KIAA2012: variants seen among roughly 807,000 people sequenced by gnomAD.
The protein encoded by KIAA2012 is KIAA2012.
Under a neutral mutation model 150.6 loss-of-function variants are expected in KIAA2012, and 125 were observed. The ratio of observed to expected loss-of-function variants is 0.83; its 90% CI spans 0.72 to 0.96. KIAA2012 has a LOEUF of 0.96. KIAA2012 is among the 40% of genes least tolerant of loss of function. The pLI, the probability that KIAA2012 is intolerant of heterozygous loss-of-function variation, is 0.00. For synonymous variants in KIAA2012, 462 were observed against 504.7 expected, an observed-to-expected ratio of 0.92 and a Z score of 1.13; for missense variants, 1,219 against 1,354.9, an observed-to-expected ratio of 0.90 and a Z score of 1.57.
At chr2:202,091,278 CCA>C (rs1689712933) in intron 3 of KIAA2012, among the ~76,000 whole-genome samples, 1 of 152,160 alleles carries the variant, frequency 6.6e-6, no homozygotes, top group Admixed American at 6.5e-5. Context: ...AAGAAGAAGC[CCA>C]GAGAGGCAAA....
chr2:202,123,206 C>T (rs762143140), intron 11 of KIAA2012, among the ~76,000 whole-genome samples: 11 of 152,168 alleles, frequency 7.2e-5, no homozygotes, highest in Non-Finnish European at 1.5e-4. Flanking sequence ...AGACGGTGTT[C>T]GTGTAGCCCT....
At chr2:202,154,171 T>C (rs1691479687) in intron 13 of KIAA2012, among the ~76,000 whole-genome samples, 1 of 152,258 alleles carries the variant, frequency 6.6e-6, no homozygotes, top group Admixed American at 6.5e-5. Context: ...AATTCATTTT[T>C]GTCATCTTGG....
intron 4 of KIAA2012, among the ~76,000 whole-genome samples, chr2:202,093,941 CT>C (rs1039538798): frequency 1.3e-5 from 2 of 152,286 alleles, no homozygotes; most frequent in Non-Finnish European, 2.9e-5. Flanking sequence ...AGACGAGAGC[CT>C]TGGCTGGTAG....
chr2:202,196,186 CTTTTTTTTT>C (rs869092899), intron 21 of KIAA2012, among the ~76,000 whole-genome samples: 2 of 79,702 alleles, frequency 2.5e-5, no homozygotes, highest in African/African-American at 1.2e-4. Flanking sequence ...CTTTTCTTTT[CTTTTTTTTT>C]TTTTTTTTTT....
rs1286102503 is a variant in KIAA2012 at position 202,179,776 on chromosome 2, G to A, written c.2120-4977G>A. 5.4e-5 allele frequency: 34 copies of A among 630,962 alleles called. No individual in the cohort carries two copies. The East Asian group carries it at 1.3e-3, about 25-fold the overall frequency. The allele number at this position is 630,962 out of a possible 1,614,324, so 39.1% of individuals were successfully genotyped here. A position where few individuals can be genotyped will look rare whatever the true frequency, so the allele number is the denominator to read the frequency against. The stretch of plus-strand genomic sequence containing the variant: ...AGCTTACTTGGCCTGGAAAGCCACA[G>A]CAGTGGGAAAGAACTATGTGAATGG... On this transcript the variant is annotated intron_variant, in intron 15 of 23. Transcript: ENST00000498697.
At chr2:202,074,255 T>C (rs963029542) in intron 1 of KIAA2012, among the ~76,000 whole-genome samples, 8 of 152,110 alleles carry the variant, frequency 5.3e-5, no homozygotes, top group East Asian at 1.9e-4. Flanking sequence ...AAGAAACCTA[T>C]TGGGGATACT....
At chr2:202,162,601 T>C (rs1366274846) in intron 14 of KIAA2012, among the ~76,000 whole-genome samples, 1 of 149,904 alleles carries the variant, frequency 6.7e-6, no homozygotes, top group African/African-American at 2.4e-5. Flanking sequence ...TTTTTTTTTT[T>C]ACTTACTACA....
At chr2:202,083,825 C>T (rs1446379496) in intron 2 of KIAA2012, among the ~76,000 whole-genome samples, 2 of 152,098 alleles carry the variant, frequency 1.3e-5, no homozygotes, top group Non-Finnish European at 2.9e-5. Flanking sequence ...CGGATTTGTG[C>T]CCCAGTGACA....
At chr2:202,143,244 C>T (rs1367855880) in intron 13 of KIAA2012, among the ~76,000 whole-genome samples, 4 of 151,836 alleles carry the variant, frequency 2.6e-5, no homozygotes, top group South Asian at 2.1e-4. Context: ...GCCACCACTC[C>T]CAGCTAATTT....
chr2:202,129,979 A>G (rs1478897654), intron 12 of KIAA2012, among the ~76,000 whole-genome samples: 2 of 152,184 alleles, frequency 1.3e-5, no homozygotes, highest in African/African-American at 2.4e-5. Flanking sequence ...ATTGTGGTCT[A>G]TAATTCATTA....
At position 202,190,549 on chromosome 2, in the gene KIAA2012, C is replaced by T; in HGVS notation, c.2811+56C>T. 3 of 1,333,482 alleles carry T rather than the reference C, an allele frequency of 2.2e-6. No individual in the cohort carries two copies. In the East Asian group the frequency reaches 7.6e-5, roughly 34 times the overall value. 82.6% of individuals were successfully genotyped at this position (1,333,482 alleles called of 1,614,324 possible). A position where few individuals can be genotyped will look rare whatever the true frequency, so the allele number is the denominator to read the frequency against. On this transcript the variant is annotated intron_variant, in intron 19 of 23. Transcript: ENST00000498697. The stretch of plus-strand genomic sequence containing the variant: ...GAAGTTCTGTTCTCACTTGGCGCGA[C>T]TGCAAAGATGGGAAAGCTGCCCCTA...
chr2:202,079,589 C>T lies in KIAA2012; in HGVS notation c.369+4414C>T, dbSNP rs73989724. ...CGTCTGGAGTTTATAGCTCAGCATACATCCACCCTTGAACTTTCTTGATGG... is the reference window on the plus strand; with the variant it reads ...CGTCTGGAGTTTATAGCTCAGCATATATCCACCCTTGAACTTTCTTGATGG... On this transcript the variant is annotated intron_variant, in intron 2 of 23. Transcript: ENST00000498697. Among the ~76,000 whole-genome samples the T allele has an allele frequency of 3.9e-3, 598 of 152,352 alleles. 2 individuals are homozygous for T. The highest frequency in any genetic ancestry group is 0.014 in the African/African-American group (578 of 41,580).
chr2:202,129,549 T>C (rs904668415), intron 12 of KIAA2012, among the ~76,000 whole-genome samples: 5 of 152,166 alleles, frequency 3.3e-5, no homozygotes, highest in African/African-American at 1.2e-4. Context: ...TGTGTTCTTT[T>C]TGGTCATTTG....
intron 18 of KIAA2012, 44 bp downstream of exon 18, chr2:202,188,310 G>C: frequency 6.8e-7 from 1 of 1,480,246 alleles, no homozygotes. Context: ...GAAGACTTCT[G>C]TTAGGGGTCG....
At chr2:202,171,333 A>C (rs555523449) in intron 15 of KIAA2012, among the ~76,000 whole-genome samples, 1 of 152,350 alleles carries the variant, frequency 6.6e-6, no homozygotes, top group African/African-American at 2.4e-5. Context: ...GCAGTGCGGC[A>C]TCTGCGCCTC....
At chr2:202,138,368 TAA>T (rs1491245769) in intron 12 of KIAA2012, 62 bp from the exon 13 acceptor site, 1 of 1,189,910 alleles carries the variant, frequency 8.4e-7, no homozygotes, top group Non-Finnish European at 1.2e-6. Context: ...ATGGTATATA[TAA>T]AAAGTCATGA....
intron 2 of KIAA2012, among the ~76,000 whole-genome samples, chr2:202,086,649 G>C (rs1033186550): frequency 3.3e-5 from 5 of 152,222 alleles, no homozygotes; most frequent in African/African-American, 1.2e-4. Context: ...AGGTGATGCT[G>C]TATGTTTGAA....
At chr2:202,179,527 C>T (rs1446029037) in intron 15 of KIAA2012, 2 of 696,236 alleles carry the variant, frequency 2.9e-6, no homozygotes. Context: ...TGTACAGTGG[C>T]GTGGGCCCAG....
At chr2:202,088,625 A>G (rs1291913226) in intron 2 of KIAA2012, among the ~76,000 whole-genome samples, 1 of 152,214 alleles carries the variant, frequency 6.6e-6, no homozygotes, top group Non-Finnish European at 1.5e-5. Context: ...TCACCTTACC[A>G]TAAGCTGGCT....
Sources: allele counts gnomAD v4.1 joint callset (sites outside exome capture counted in the v4.1 genomes callset), GRCh38; gene constraint gnomAD v4.1.1; transcripts MANE v1.5; gene names NCBI Gene and HGNC (gene_info 2026-07-23, HGNC 2026-07-21).